Variants in OSBPL1A observed in about 807,000 individuals in gnomAD.
OSBPL1A encodes the protein oxysterol-binding protein-related protein 1.
Under a neutral mutation model 137.1 loss-of-function variants are expected in OSBPL1A, and 80 were observed. The ratio of observed to expected loss-of-function variants is 0.58; its 90% CI spans 0.49 to 0.70. The LOEUF is 0.70. OSBPL1A is among the 30% of genes least tolerant of loss of function. The probability of loss-of-function intolerance (pLI) is 0.00; values close to 1 mark genes in which losing one functional copy is unlikely to be tolerated. For synonymous variants in OSBPL1A, 365 were observed against 389.7 expected, an observed-to-expected ratio of 0.94 and a Z score of 0.75; for missense variants, 970 against 1,129.4, an observed-to-expected ratio of 0.86 and a Z score of 2.02.
intron 15 of OSBPL1A, among the ~76,000 whole-genome samples, chr18:24,265,856 C>T (rs1352675191): frequency 6.6e-6 from 1 of 152,232 alleles, no homozygotes; most frequent in Non-Finnish European, 1.5e-5. Context: ...AACCACTGTG[C>T]TTCTTGTTAT....
chr18:24,293,346 C>T (rs187648570), intron 14 of OSBPL1A, among the ~76,000 whole-genome samples: 1 of 152,114 alleles, frequency 6.6e-6, no homozygotes, highest in Admixed American at 6.5e-5. Flanking sequence ...GGCAGCACTG[C>T]GGAACCACAG....
At chr18:24,266,866 A>G (rs913762880) in intron 15 of OSBPL1A, among the ~76,000 whole-genome samples, 4 of 152,180 alleles carry the variant, frequency 2.6e-5, no homozygotes, top group African/African-American at 9.7e-5. Context: ...AAAACTTTGA[A>G]TTATCCAGGT....
rs9958352 is a variant in OSBPL1A, at chr18:24,168,001, G to A, written c.2419-556C>T. ...AGCTTCGTGTGTTGTGCCACTTAGT[G>A]TTATCCACATTTAAGTCATTATCAT... On this transcript the variant is annotated intron_variant, in intron 24 of 27. Transcript: ENST00000319481. Among the ~76,000 whole-genome samples, 670 of 152,252 alleles carry A rather than the reference G, an allele frequency of 4.4e-3. 6 individuals are homozygous for A. The highest frequency in any genetic ancestry group is 0.015 in the African/African-American group (632 of 41,538).
chr18:24,231,146 T>C (rs750469590), intron 16 of OSBPL1A, among the ~76,000 whole-genome samples: 3 of 152,188 alleles, frequency 2.0e-5, no homozygotes, highest in Non-Finnish European at 4.4e-5. Flanking sequence ...TAAAATGCTC[T>C]AGTTTACAGA....
intron 18 of OSBPL1A, among the ~76,000 whole-genome samples, chr18:24,194,708 A>G (rs549432726): frequency 1.1e-4 from 17 of 152,314 alleles, no homozygotes; most frequent in Middle Eastern, 3.4e-3. Flanking sequence ...GGCATTTTAC[A>G]TAAATTATTT....
chr18:24,303,144 G>C (rs1736487355), intron 14 of OSBPL1A, among the ~76,000 whole-genome samples: 1 of 152,132 alleles, frequency 6.6e-6, no homozygotes, highest in Admixed American at 6.5e-5. Flanking sequence ...GGGATTACAA[G>C]CACGTGCCAC....
Position 24,274,233 on chromosome 18 carries a change from CAA to C in OSBPL1A, c.1281+6607_1281+6608del, listed in dbSNP as rs5823419. Among the ~76,000 whole-genome samples, 189 of 110,344 alleles carry C rather than the reference CAA, an allele frequency of 1.7e-3. 2 individuals carry two copies. In the East Asian group the frequency reaches 0.051, roughly 30 times the overall value. 72.4% of individuals were successfully genotyped at this position (110,344 alleles called of 152,430 possible). ...TGGGCAACAGAGCGAGACTCCTTCA[CAA>C]AAAAAAAAAAAAAAAAATTGACGGG... On this transcript the variant is annotated intron_variant, in intron 15 of 27. Transcript: ENST00000319481.
chr18:24,286,436 A>G (rs2090068249), intron 14 of OSBPL1A, among the ~76,000 whole-genome samples: 2 of 152,194 alleles, frequency 1.3e-5, no homozygotes, highest in Non-Finnish European at 2.9e-5. Flanking sequence ...TAATCTATAT[A>G]TCTACATCTA....
At chr18:24,359,400 G>A (rs895276196) in intron 4 of OSBPL1A, among the ~76,000 whole-genome samples, 10 of 151,754 alleles carry the variant, frequency 6.6e-5, no homozygotes, top group Admixed American at 6.6e-4. Context: ...GGAAGCATGT[G>A]TTTTACAAGC....
chr18:24,241,268 G>A (rs999716728), intron 15 of OSBPL1A, among the ~76,000 whole-genome samples: 1 of 152,086 alleles, frequency 6.6e-6, no homozygotes, highest in Non-Finnish European at 1.5e-5. Context: ...AAGCCAAAAT[G>A]GACAAATGGG....
At chr18:24,300,869 G>A (rs923396794) in intron 14 of OSBPL1A, among the ~76,000 whole-genome samples, 3 of 152,144 alleles carry the variant, frequency 2.0e-5, no homozygotes, top group South Asian at 2.1e-4. Context: ...CCAGGCTGCA[G>A]TGCAATCACA....
At chr18:24,177,935 A>G in intron 21 of OSBPL1A, 78 bp downstream of exon 21, 1 of 1,360,034 alleles carries the variant, frequency 7.4e-7, no homozygotes, top group Non-Finnish European at 1.0e-6. Context: ...TTTGAACAGT[A>G]AGGTCAGCTG....
chr18:24,264,197 T>C (rs1055583498), intron 15 of OSBPL1A, among the ~76,000 whole-genome samples: 1 of 152,022 alleles, frequency 6.6e-6, no homozygotes, highest in Non-Finnish European at 1.5e-5. Context: ...TGAATTCTCT[T>C]AAGGCCAAAA....
At chr18:24,179,894 A>G (rs1023915806) in intron 19 of OSBPL1A, 59 bp from the exon 20 acceptor site, 61 of 1,399,726 alleles carry the variant, frequency 4.4e-5, no homozygotes, top group Non-Finnish European at 5.7e-5. Context: ...GCATTCTTTT[A>G]GGAACTGAAA....
At chr18:24,294,220 GT>G (rs78960811) in intron 14 of OSBPL1A, among the ~76,000 whole-genome samples, 21,759 of 148,472 alleles carry the variant, frequency 0.15, 1,612 homozygotes, top group Middle Eastern at 0.17. Context: ...ATATGTGGTT[GT>G]TTTTTTTTTT....
chr18:24,176,501 T>C (rs894458020), intron 21 of OSBPL1A, among the ~76,000 whole-genome samples: 1 of 152,174 alleles, frequency 6.6e-6, no homozygotes, highest in African/African-American at 2.4e-5. Flanking sequence ...AAAATGTCTT[T>C]TTCTATTTTA....
chr18:24,305,483 T>A (rs919457221), intron 13 of OSBPL1A, among the ~76,000 whole-genome samples: 1 of 152,212 alleles, frequency 6.6e-6, no homozygotes. Context: ...TAAAAGATAC[T>A]AAAAAGAAGA....
At chr18:24,251,058 A>T (rs1056861074) in intron 15 of OSBPL1A, among the ~76,000 whole-genome samples, 8 of 152,150 alleles carry the variant, frequency 5.3e-5, no homozygotes, top group African/African-American at 1.9e-4. Flanking sequence ...GAAGGACTTT[A>T]TATTGGGGTT....
chr18:24,219,914 A>G (rs1200135452), intron 17 of OSBPL1A, among the ~76,000 whole-genome samples: 1 of 152,206 alleles, frequency 6.6e-6, no homozygotes, highest in African/African-American at 2.4e-5. Flanking sequence ...CCCATGGCCT[A>G]GCAGCTTGTT....
Sources: allele counts gnomAD v4.1 joint callset (sites outside exome capture counted in the v4.1 genomes callset), GRCh38; gene constraint gnomAD v4.1.1; transcripts MANE v1.5; gene names NCBI Gene and HGNC (gene_info 2026-07-23, HGNC 2026-07-21).